Variants in EPSTI1 observed in about 807,000 individuals in gnomAD.
EPSTI1 encodes epithelial stromal interaction 1, also known as epithelial-stromal interaction protein 1.
EPSTI1 carries 66 observed loss-of-function variants against 49.9 expected under a neutral mutation model. The ratio of observed to expected loss-of-function variants is 1.32; its 90% CI spans 1.08 to 1.62. The LOEUF is 1.62. Among genes scored for constraint, EPSTI1 ranks in the 40% most tolerant of loss-of-function variants. The pLI is 0.00. For missense variants in EPSTI1, 394 were observed against 365.5 expected (o/e 1.08, Z -0.64); for synonymous variants, 137 against 130.7 (o/e 1.05, Z -0.33).
intron 1 of EPSTI1, among the ~76,000 whole-genome samples, chr13:42,975,461 G>T (rs1445965673): frequency 2.6e-5 from 4 of 152,178 alleles, no homozygotes; most frequent in Admixed American, 6.5e-5. Context: ...ACAACTCATT[G>T]CCTCTGTTAG....
chr13:42,889,327 G>A, intron 10 of EPSTI1: 1 of 836,700 alleles, frequency 1.2e-6, no homozygotes, highest in Non-Finnish European at 1.8e-6. Context: ...TGAGAAGACT[G>A]ATTTAAATTA....
intron 3 of EPSTI1, among the ~76,000 whole-genome samples, chr13:42,966,706 C>T (rs1275810519): frequency 1.2e-5 from 1 of 86,112 alleles, no homozygotes; most frequent in South Asian, 5.9e-4. Context: ...GGGTCAGCCC[C>T]CCGCCCGGCC....
At chr13:42,972,181 G>C (rs2039784143) in intron 1 of EPSTI1, among the ~76,000 whole-genome samples, 1 of 152,160 alleles carries the variant, frequency 6.6e-6, no homozygotes, top group African/African-American at 2.4e-5. Flanking sequence ...TTCAATGTCT[G>C]CTAACATTGT....
Position 42,922,757 on chromosome 13 carries a change from T to C in EPSTI1, c.657+3579A>G, listed in dbSNP as rs2038050507. Among the ~76,000 whole-genome samples the C allele has an allele frequency of 6.6e-6, 1 of 152,132 alleles. No individual in the cohort carries two copies. Among genetic ancestry groups the C allele is most frequent in the Admixed American group, 6.5e-5 (1 of 15,282 alleles). ...AATGAATGAGCATGTGACACGTAGA[T>C]AAAAATTACAATAATCAACCTGCAC... On this transcript the variant is annotated intron_variant, in intron 7 of 10. Coordinates refer to ENST00000313624, the MANE Select transcript of EPSTI1 (RefSeq NM_033255.5). This position sits in a 1 kb window ranked among gnomAD's most constrained non-coding sequence, Gnocchi z 4.8.
intron 8 of EPSTI1, among the ~76,000 whole-genome samples, chr13:42,911,184 T>G (rs1417009363): frequency 1.3e-5 from 2 of 150,490 alleles, no homozygotes; most frequent in African/African-American, 4.9e-5. Context: ...CTTCAGATGT[T>G]AATCTCTGTC....
At chr13:42,889,541 G>A (rs2036967861) in intron 10 of EPSTI1, among the ~76,000 whole-genome samples, 1 of 152,082 alleles carries the variant, frequency 6.6e-6, no homozygotes, top group Non-Finnish European at 1.5e-5. Flanking sequence ...GTGAATTGAG[G>A]CATAGCTTTC....
At chr13:42,892,336 T>A (rs1165103657) in intron 10 of EPSTI1, among the ~76,000 whole-genome samples, 1 of 151,720 alleles carries the variant, frequency 6.6e-6, no homozygotes, top group African/African-American at 2.4e-5. Flanking sequence ...ATTGTGGGAG[T>A]AAGGAAACCA....
At chr13:42,958,579 A>G (rs1270753002) in intron 5 of EPSTI1, among the ~76,000 whole-genome samples, 1 of 152,202 alleles carries the variant, frequency 6.6e-6, no homozygotes, top group East Asian at 1.9e-4. Flanking sequence ...CCAATGAGGA[A>G]AAGGACTTTC....
intron 6 of EPSTI1, among the ~76,000 whole-genome samples, chr13:42,953,036 T>A (rs1178187363): frequency 1.3e-5 from 2 of 152,270 alleles, no homozygotes; most frequent in East Asian, 3.9e-4. Context: ...CAGTGAATAT[T>A]TCATATGAAA....
chr13:42,912,056 T>C (rs900195968), intron 8 of EPSTI1, among the ~76,000 whole-genome samples: 2 of 152,240 alleles, frequency 1.3e-5, no homozygotes, highest in Admixed American at 1.3e-4. Context: ...TTCTTGTATA[T>C]ATTTTGACTG....
At chr13:42,911,268 C>T (rs372038178) in intron 8 of EPSTI1, among the ~76,000 whole-genome samples, 1,788 of 96,084 alleles carry the variant, frequency 0.019, 31 homozygotes, top group African/African-American at 0.046. Context: ...TGTGTGTGCG[C>T]GCGCACGCGC....
At chr13:42,957,657 C>A (rs1035224590) in intron 5 of EPSTI1, among the ~76,000 whole-genome samples, 2 of 152,178 alleles carry the variant, frequency 1.3e-5, no homozygotes, top group African/African-American at 4.8e-5. Context: ...CTCACTGCAA[C>A]CTCTGCCTCC....
At chr13:42,928,887 T>A (rs529327874) in intron 6 of EPSTI1, among the ~76,000 whole-genome samples, 1 of 152,266 alleles carries the variant, frequency 6.6e-6, no homozygotes, top group Admixed American at 6.5e-5. Context: ...TGCATGTGCC[T>A]CCATACATTG....
intron 2 of EPSTI1, 53 bp downstream of exon 2, chr13:42,970,559 C>A: frequency 1.4e-6 from 2 of 1,460,664 alleles, no homozygotes; most frequent in Non-Finnish European, 1.9e-6. Context: ...CAAAACAAAC[C>A]AATTGTAAAA....
At chr13:42,928,828 G>A (rs773147858) in intron 6 of EPSTI1, among the ~76,000 whole-genome samples, 1 of 152,206 alleles carries the variant, frequency 6.6e-6, no homozygotes, top group Non-Finnish European at 1.5e-5. Flanking sequence ...AATGGAATGT[G>A]AGAAGTGTTG....
rs535225801 is a variant in EPSTI1, at chr13:42,927,118, T to C, written c.564-689A>G. On this transcript the variant is annotated intron_variant, in intron 6 of 10. Coordinates refer to ENST00000313624, the MANE Select transcript of EPSTI1 (RefSeq NM_033255.5). ...AAAGTGCTGCTGATTCTAGACTGCA[T>C]TTCTAATATCTCTTTTTAGCTCTGA... 2.6e-5 allele frequency among the ~76,000 whole-genome samples: 4 copies of C among 152,136 alleles called. No homozygotes were observed. In the South Asian group the frequency reaches 8.3e-4, roughly 32 times the overall value.
chr13:42,925,718 G>C (rs1450890378), intron 7 of EPSTI1, among the ~76,000 whole-genome samples: 1 of 152,086 alleles, frequency 6.6e-6, no homozygotes, highest in Admixed American at 6.5e-5. Flanking sequence ...CTTAATTCTT[G>C]CTCTATGTGT....
At chr13:42,928,397 G>A (rs936290254) in intron 6 of EPSTI1, among the ~76,000 whole-genome samples, 2 of 152,110 alleles carry the variant, frequency 1.3e-5, no homozygotes, top group African/African-American at 4.8e-5. Context: ...AAACATCCTC[G>A]TGGGAAGTCC....
intron 1 of EPSTI1, among the ~76,000 whole-genome samples, chr13:42,971,353 T>G (rs1449451857): frequency 6.6e-6 from 1 of 152,214 alleles, no homozygotes; most frequent in Non-Finnish European, 1.5e-5. Flanking sequence ...TCCAAGCCCC[T>G]GGCACAGTGT....
Sources: allele counts gnomAD v4.1 joint callset (sites outside exome capture counted in the v4.1 genomes callset), GRCh38; gene constraint gnomAD v4.1.1; non-coding constraint Gnocchi (gnomAD v3.1); transcripts MANE v1.5; gene names NCBI Gene and HGNC (gene_info 2026-07-23, HGNC 2026-07-21).